Variants in SORCS3 observed in about 807,000 individuals in gnomAD.
SORCS3 encodes the protein VPS10 domain-containing receptor SorCS3.
A neutral mutation model predicts 146.3 loss-of-function variants in SORCS3; 57 were observed. That is an observed-to-expected ratio of 0.39 (90% CI 0.31 to 0.49). The LOEUF (loss-of-function observed/expected upper bound fraction) is 0.49. SORCS3 is among the 20% of genes least tolerant of loss of function. The probability of loss-of-function intolerance (pLI) is 0.92; values close to 1 mark genes in which losing one functional copy is unlikely to be tolerated. For synonymous variants in SORCS3, 653 were observed against 618.5 expected (o/e 1.06, Z -0.83); for missense variants, 1,341 against 1,575.5 (o/e 0.85, Z 2.52).
At chr10:104,861,760 A>G (rs2018406192) in intron 2 of SORCS3, among the ~76,000 whole-genome samples, 1 of 152,164 alleles carries the variant, frequency 6.6e-6, no homozygotes. Flanking sequence ...TAGGGCCACC[A>G]TAACGCAGTA....
At chr10:105,008,030 G>T (rs911713591) in intron 4 of SORCS3, among the ~76,000 whole-genome samples, 1 of 152,158 alleles carries the variant, frequency 6.6e-6, no homozygotes, top group African/African-American at 2.4e-5. Context: ...CAAGAACAAA[G>T]AAATTGCTGG....
intron 1 of SORCS3, among the ~76,000 whole-genome samples, chr10:104,758,762 G>A (rs1050803149): frequency 6.6e-6 from 1 of 152,116 alleles, no homozygotes; most frequent in African/African-American, 2.4e-5. Flanking sequence ...CTCTCTTTTA[G>A]TCCTTCTCCC....
At chr10:105,147,879 C>A in intron 9 of SORCS3, 83 bp downstream of exon 9, 1 of 1,236,036 alleles carries the variant, frequency 8.1e-7, no homozygotes, top group South Asian at 1.5e-5. Flanking sequence ...CACTGGAGTT[C>A]TGGGTTCAGA....
chr10:105,026,661 A>G (rs750990008), intron 4 of SORCS3, among the ~76,000 whole-genome samples: 1 of 152,240 alleles, frequency 6.6e-6, no homozygotes. Context: ...AAAGAAGTTA[A>G]TAATGTCCTT....
At chr10:105,095,912 C>G (rs1443854199) in intron 6 of SORCS3, among the ~76,000 whole-genome samples, 1 of 152,088 alleles carries the variant, frequency 6.6e-6, no homozygotes, top group African/African-American at 2.4e-5. Context: ...CATGAAACAT[C>G]AATTAAATAT....
chr10:105,128,694 A>G (rs968177264), intron 7 of SORCS3, among the ~76,000 whole-genome samples: 3 of 152,142 alleles, frequency 2.0e-5, no homozygotes, highest in African/African-American at 7.2e-5. Context: ...TTGAAGCTAC[A>G]TCGGCAAATT....
At chr10:104,659,800 G>T (rs984484147) in intron 1 of SORCS3, among the ~76,000 whole-genome samples, 3 of 152,202 alleles carry the variant, frequency 2.0e-5, no homozygotes, top group Non-Finnish European at 4.4e-5. Flanking sequence ...TTAGATAAGA[G>T]GTCCTGGAGA....
chr10:104,863,050 G>A (rs779229210), intron 2 of SORCS3, among the ~76,000 whole-genome samples: 1 of 152,178 alleles, frequency 6.6e-6, no homozygotes, highest in African/African-American at 2.4e-5. Context: ...AAGTAGGTAC[G>A]TTATACTCTT....
At chr10:104,916,030 T>C in intron 3 of SORCS3, 98 bp downstream of exon 3, 1 of 855,668 alleles carries the variant, frequency 1.2e-6, no homozygotes, top group Non-Finnish European at 2.0e-6. Flanking sequence ...CATTGAATCA[T>C]TTACAGAGGT....
chr10:105,212,866 T>C (rs770629334), intron 17 of SORCS3, among the ~76,000 whole-genome samples: 4 of 152,176 alleles, frequency 2.6e-5, no homozygotes, highest in South Asian at 2.1e-4. Flanking sequence ...AAAGTATAAA[T>C]TGATTACAAA....
intron 1 of SORCS3, among the ~76,000 whole-genome samples, chr10:104,766,896 A>G (rs1478781875): frequency 6.6e-6 from 1 of 152,212 alleles, no homozygotes; most frequent in Non-Finnish European, 1.5e-5. Flanking sequence ...CTTCTGTGAC[A>G]TATTGTCCCA....
At chr10:104,707,319 G>A (rs1214023084) in intron 1 of SORCS3, among the ~76,000 whole-genome samples, 1 of 152,178 alleles carries the variant, frequency 6.6e-6, no homozygotes, top group African/African-American at 2.4e-5. Context: ...TATATGTAAA[G>A]TAATATACAT....
rs552788687 is a variant in SORCS3 at position 105,031,222 on chromosome 10, C to T, written c.955-11833C>T. 4.6e-5 allele frequency among the ~76,000 whole-genome samples: 7 copies of T among 151,780 alleles called. No homozygotes were observed. The East Asian group carries it at 1.2e-3, about 26-fold the overall frequency. ...GCTGAGGCAGGAGAATTGCTTGAAC[C>T]CAGGAGTTGGAGGTTGCAGTGAGCC... On this transcript the variant is annotated intron_variant, in intron 4 of 26. Transcript: ENST00000369701.
rs571767676 is a variant in SORCS3 at position 104,840,630 on chromosome 10, G to T, written c.628-2162G>T. 1.2e-3 allele frequency among the ~76,000 whole-genome samples: 183 copies of T among 152,310 alleles called. No individual in the cohort carries two copies. The Middle Eastern group carries it at 0.014, about 11-fold the overall frequency. ...GGAAGAAAGGAAATGATGGAAGGAG[G>T]GAGGGAAAAAGCGGAGTGGTCCAAG... is the stretch of plus-strand genomic sequence containing the variant. On this transcript the variant is annotated intron_variant, in intron 1 of 26. Transcript: ENST00000369701.
intron 7 of SORCS3, among the ~76,000 whole-genome samples, chr10:105,108,189 C>A (rs1461579060): frequency 6.6e-6 from 1 of 152,186 alleles, no homozygotes; most frequent in African/African-American, 2.4e-5. Context: ...GAACTAGGAA[C>A]ACGGTGGCAG....
intron 1 of SORCS3, among the ~76,000 whole-genome samples, chr10:104,724,874 C>A (rs923002703): frequency 1.3e-5 from 2 of 152,092 alleles, no homozygotes; most frequent in Admixed American, 1.3e-4. Context: ...GTTAGCCATT[C>A]GTCTAATTTT....
rs920962524 is a variant in SORCS3, at chr10:104,894,360, T to C, written c.696-21473T>C. Among the ~76,000 whole-genome samples, 7 of 152,300 alleles carry C rather than the reference T, an allele frequency of 4.6e-5. No individual in the cohort carries two copies. In the South Asian group the frequency reaches 1.0e-3, roughly 23 times the overall value. On this transcript the variant is annotated intron_variant, in intron 2 of 26. Transcript: ENST00000369701. Reference sequence around the variant, plus strand: ...CACCCTGGATTGGAATGAGCAGTGGTGGTGATGGTGAGTGGAGACAGGGTG... The same window carrying C: ...CACCCTGGATTGGAATGAGCAGTGGCGGTGATGGTGAGTGGAGACAGGGTG...
intron 3 of SORCS3, among the ~76,000 whole-genome samples, chr10:104,921,108 G>A (rs1405255245): frequency 6.6e-6 from 1 of 152,200 alleles, no homozygotes; most frequent in African/African-American, 2.4e-5. Context: ...GGGCTAGTAA[G>A]CTCTAGCTCA....
chr10:104,797,161 C>G (rs2017565999), intron 1 of SORCS3, among the ~76,000 whole-genome samples: 2 of 152,010 alleles, frequency 1.3e-5, no homozygotes, highest in South Asian at 4.1e-4. Context: ...CATTTTTTTC[C>G]TCCTTGGTTT....
Sources: allele counts gnomAD v4.1 joint callset (sites outside exome capture counted in the v4.1 genomes callset), GRCh38; gene constraint gnomAD v4.1.1; transcripts MANE v1.5; gene names NCBI Gene and HGNC (gene_info 2026-07-23, HGNC 2026-07-21).